BICRAL: variants seen among roughly 807,000 people sequenced by gnomAD.
The protein encoded by BICRAL is BICRA like chromatin remodeling complex associated protein, also known as BRD4-interacting chromatin-remodeling complex-associated protein-like.
In BICRAL, 8 loss-of-function variants were observed where a neutral mutation model predicts 91.8. The ratio of observed to expected loss-of-function variants is 0.09; its 90% CI spans 0.05 to 0.16. BICRAL has a LOEUF of 0.16. Ranked by LOEUF, BICRAL falls within the 10% of genes least tolerant of loss-of-function variation. BICRAL has a pLI of 1.00. For missense variants in BICRAL, 1,038 were observed against 1,310.9 expected (o/e 0.79, Z 3.21); for synonymous variants, 445 against 491.1 (o/e 0.91, Z 1.24).
chr6:42,767,598 A>G (rs1562452053), intron 1 of BICRAL, among the ~76,000 whole-genome samples: 1 of 152,246 alleles, frequency 6.6e-6, no homozygotes, highest in Non-Finnish European at 1.5e-5. Flanking sequence ...GACGCAAGAA[A>G]TGTTAGCTTA....
chr6:42,798,572 A>T (rs2113893779), intron 1 of BICRAL, among the ~76,000 whole-genome samples: 1 of 152,138 alleles, frequency 6.6e-6, no homozygotes, highest in Middle Eastern at 3.4e-3. Context: ...GGCAGGCACC[A>T]GTAGTCCCAG....
chr6:42,856,877 G>A (rs899239085), intron 9 of BICRAL, among the ~76,000 whole-genome samples: 5 of 152,074 alleles, frequency 3.3e-5, no homozygotes, highest in African/African-American at 1.2e-4. Flanking sequence ...AATGATTGGT[G>A]GGAACCTGTG....
chr6:42,805,902 T>C (rs1763691453), intron 1 of BICRAL, among the ~76,000 whole-genome samples: 1 of 151,688 alleles, frequency 6.6e-6, no homozygotes, highest in African/African-American at 2.4e-5. Flanking sequence ...CTTGGGAGGC[T>C]GAGGCAGGAG....
chr6:42,809,505 T>A (rs1196744549), intron 1 of BICRAL, among the ~76,000 whole-genome samples: 1 of 150,884 alleles, frequency 6.6e-6, no homozygotes, highest in Non-Finnish European at 1.5e-5. Flanking sequence ...GGCACAATCT[T>A]GGCTCACGGC....
At chr6:42,844,554 T>TGAAG (rs1764932897) in intron 6 of BICRAL, among the ~76,000 whole-genome samples, 1 of 70,222 alleles carries the variant, frequency 1.4e-5, no homozygotes, top group African/African-American at 6.1e-5. Flanking sequence ...AAGAGGGTGT[T>TGAAG]GCAGAAAGAA....
chr6:42,746,848 G>C (rs1762284820), upstream of BICRAL: 1 of 152,208 alleles, frequency 6.6e-6, no homozygotes. Context: ...AACCTGGTTC[G>C]AGGGGCCCTG....
chr6:42,783,179 G>A (rs1762980054), intron 1 of BICRAL, among the ~76,000 whole-genome samples: 1 of 151,512 alleles, frequency 6.6e-6, no homozygotes, highest in African/African-American at 2.4e-5. Flanking sequence ...CGCACCTGCC[G>A]CGGGACTGCC....
In BICRAL at chr6:42,855,906, G is replaced by C; in HGVS notation, c.2097G>C (p.Thr699=). The change falls in exon 9 of 13, where the codon ACG becomes ACC. Residue 699 remains threonine (T), a synonymous_variant. Transcript: ENST00000314073. ...AAAGGCCTGCTGCGAAACAGCTAAC[G>C]AAAGGAGCTTTGTGAGTTACTCTCG... is the stretch of plus-strand genomic sequence containing the variant. ...GQKRPAAKQL[T]KGAFILQQLQ... 2 of 1,613,308 alleles carry C rather than the reference G, an allele frequency of 1.2e-6. No homozygotes were observed. Among genetic ancestry groups the C allele is most frequent in the South Asian group, 2.2e-5 (2 of 91,064 alleles).
chr6:42,777,222 C>A (rs891922667), upstream of BICRAL, among the ~76,000 whole-genome samples: 4 of 152,202 alleles, frequency 2.6e-5, no homozygotes, highest in East Asian at 7.7e-4. Context: ...ATTGAACTCT[C>A]ATTATGTTTC....
chr6:42,754,424 G>A lies in BICRAL; in HGVS notation c.-261+7401G>A, dbSNP rs183214545. On this transcript the variant is annotated intron_variant, in intron 1 of 14. Transcript: ENST00000614467. ...CCTGACCTTGTGATCCGCCCATCTC[G>A]GCCTCCCAAAGTGCTGGGATTACAG... Among the ~76,000 whole-genome samples, 130 of 146,206 alleles carry A rather than the reference G, an allele frequency of 8.9e-4. 1 individual carries two copies. Among genetic ancestry groups the A allele is most frequent in the Non-Finnish European group, 1.7e-3 (109 of 65,840 alleles).
In BICRAL at chr6:42,854,982, C is replaced by T. The variant is rs1224685223; in HGVS notation, c.2047-874C>T. 6.6e-5 allele frequency among the ~76,000 whole-genome samples: 10 copies of T among 152,296 alleles called. No homozygotes were observed. In the South Asian group the frequency reaches 1.0e-3, roughly 16 times the overall value. The stretch of plus-strand genomic sequence containing the variant: ...TGTTTTCAGCTTACTAAGACAGTTT[C>T]GTTTCCATCAGACCTACCAATTAGT... On this transcript the variant is annotated intron_variant, in intron 8 of 12. Transcript: ENST00000314073.
At chr6:42,757,389 CTA>C (rs977848487) in intron 1 of BICRAL, among the ~76,000 whole-genome samples, 2 of 151,986 alleles carry the variant, frequency 1.3e-5, no homozygotes, top group Non-Finnish European at 2.9e-5. Context: ...GTAGCTGAGA[CTA>C]TAGGCGCCTG....
intron 6 of BICRAL, among the ~76,000 whole-genome samples, chr6:42,831,496 A>G (rs1764476114): frequency 6.6e-6 from 1 of 152,198 alleles, no homozygotes; most frequent in Admixed American, 6.5e-5. Flanking sequence ...TGTTTCTGAA[A>G]AGAATCTCAA....
At chr6:42,757,244 G>GT (rs897357545) in intron 1 of BICRAL, among the ~76,000 whole-genome samples, 60 of 143,598 alleles carry the variant, frequency 4.2e-4, no homozygotes, top group African/African-American at 1.4e-3. Flanking sequence ...TATATAAATA[G>GT]TTTTTTTTTA....
At chr6:42,769,500 A>G (rs1307853260) in intron 1 of BICRAL, among the ~76,000 whole-genome samples, 1 of 152,210 alleles carries the variant, frequency 6.6e-6, no homozygotes, top group Non-Finnish European at 1.5e-5. Context: ...GCTAGGGGCC[A>G]TCTTGGAAGT....
rs913260153 is a variant in BICRAL, at chr6:42,862,589, A to G, written c.2429A>G (p.Lys810Arg). The G allele has an allele frequency of 1.2e-6, 2 of 1,606,230 alleles. No individual in the cohort carries two copies. Among genetic ancestry groups the G allele is most frequent in the Non-Finnish European group, 8.5e-7 (1 of 1,172,994 alleles). Reference sequence around the variant, plus strand: ...GAAAGAGCTTCCCTGTCCCGAGACAAGCGTTTGGCACTTGTAGACCCTGGT... The same window carrying G: ...GAAAGAGCTTCCCTGTCCCGAGACAGGCGTTTGGCACTTGTAGACCCTGGT... The part of the protein sequence containing the change: ...QEERASLSRD[K>R]RLALVDPEGF... The change falls in exon 12 of 13, where the codon AAG (lysine) becomes AGG (arginine). Residue 810 changes from lysine (K) to arginine (R), a missense_variant. This residue lies in a region of BICRAL where 294 missense variants were observed against 292.6 expected (regional missense o/e 1.00). Transcript: ENST00000314073.
At position 42,811,401 on chromosome 6, in the gene BICRAL, T is replaced by C. The variant is rs1366298934; in HGVS notation, c.-6+1000T>C. Among the ~76,000 whole-genome samples, 4 of 152,220 alleles carry C rather than the reference T, an allele frequency of 2.6e-5. No homozygotes were observed. In the East Asian group the frequency reaches 7.7e-4, roughly 29 times the overall value. On this transcript the variant is annotated intron_variant, in intron 2 of 12. Coordinates refer to ENST00000314073, the MANE Select transcript of BICRAL (RefSeq NM_001393499.1). ...ACTTTGGGAGGCCAAGGCGGGCAGA[T>C]CACGAGGTCGAGAGATCGAGACCAT... is the stretch of plus-strand genomic sequence containing the variant.
chr6:42,764,304 T>G (rs193200827), intron 1 of BICRAL, among the ~76,000 whole-genome samples: 337 of 151,570 alleles, frequency 2.2e-3, no homozygotes, highest in African/African-American at 7.8e-3. Context: ...TCCCAGCACT[T>G]TGGGAGGCGG....
chr6:42,847,673 C>T (rs569928139), intron 6 of BICRAL, among the ~76,000 whole-genome samples: 17 of 152,212 alleles, frequency 1.1e-4, no homozygotes, highest in Non-Finnish European at 2.2e-4. Flanking sequence ...ACCTGTAATC[C>T]CAGCACTTTG....
Sources: allele counts gnomAD v4.1 joint callset (sites outside exome capture counted in the v4.1 genomes callset), GRCh38; gene constraint gnomAD v4.1.1; regional missense constraint gnomAD v4.1.1; transcripts MANE v1.5; gene names NCBI Gene and HGNC (gene_info 2026-07-23, HGNC 2026-07-21).